STK10: variants seen among roughly 807,000 people sequenced by gnomAD.
STK10 encodes serine/threonine-protein kinase 10.
Under a neutral mutation model 113.8 loss-of-function variants are expected in STK10, and 78 were observed. The ratio of observed to expected loss-of-function variants is 0.69; its 90% CI spans 0.57 to 0.83. The LOEUF (loss-of-function observed/expected upper bound fraction) is 0.83, where lower values mean the gene tolerates loss of function less well. Among genes scored for constraint, STK10 ranks in the 40% least tolerant of loss-of-function variants. STK10 has a pLI of 0.00. For missense variants in STK10, 1,109 were observed against 1,280.1 expected (o/e 0.87, Z 2.04); for synonymous variants, 465 against 494.7 (o/e 0.94, Z 0.80).
At chr5:172,124,317 C>T (rs1194157253) in intron 3 of STK10, among the ~76,000 whole-genome samples, 2 of 152,176 alleles carry the variant, frequency 1.3e-5, no homozygotes, top group African/African-American at 4.8e-5. Context: ...CAAATAAATT[C>T]CACCTCCCAC....
In STK10 at chr5:172,187,766, C is replaced by T; in HGVS notation, c.156+121G>A. On this transcript the variant is annotated intron_variant, in intron 1 of 18. Transcript: ENST00000176763. This position sits in a 1 kb window ranked among gnomAD's most constrained non-coding sequence, Gnocchi z 4.6. Reference sequence around the variant, plus strand: ...GAGTCATCGGGATGAGGGCCAGGGACCCCGAATTCAGCGCCGGGCAGCCCT... The same window carrying T: ...GAGTCATCGGGATGAGGGCCAGGGATCCCGAATTCAGCGCCGGGCAGCCCT... The T allele has an allele frequency of 7.0e-7, 1 of 1,420,750 alleles. No individual in the cohort carries two copies. Among genetic ancestry groups the T allele is most frequent in the East Asian group, 2.5e-5 (1 of 39,882 alleles). The allele number at this position is 1,420,750 out of a possible 1,614,324, so 88.0% of individuals were successfully genotyped here. A position where few individuals can be genotyped will look rare whatever the true frequency, so the allele number is the denominator to read the frequency against.
chr5:172,084,402 A>AAATAAT (rs60087344), intron 10 of STK10, among the ~76,000 whole-genome samples: 3,329 of 149,170 alleles, frequency 0.022, 112 homozygotes, highest in African/African-American at 0.069. Context: ...TTCTGTCTCA[A>AAATAAT]AATAATAATA....
chr5:172,108,572 C>T (rs1474079500), intron 4 of STK10, among the ~76,000 whole-genome samples: 1 of 146,314 alleles, frequency 6.8e-6, no homozygotes, highest in Non-Finnish European at 1.5e-5. Flanking sequence ...GCTGCAATCG[C>T]ACCACTGCGC....
chr5:172,127,540 CCAG>C, intron 2 of STK10, 119 bp from the exon 3 acceptor site: 1 of 991,220 alleles, frequency 1.0e-6, no homozygotes, highest in Non-Finnish European at 1.5e-6. Flanking sequence ...CCCCTGCTCT[CCAG>C]CCCTTCCTCC....
At chr5:172,094,104 T>C (rs1768792226) in intron 8 of STK10, 144 bp from the exon 9 acceptor site, 1 of 507,888 alleles carries the variant, frequency 2.0e-6, no homozygotes. Context: ...CCCTAGCCAG[T>C]CTTCAGCACT....
intron 1 of STK10, among the ~76,000 whole-genome samples, chr5:172,180,041 TC>T (rs1332751793): frequency 1.3e-5 from 2 of 152,144 alleles, no homozygotes; most frequent in Admixed American, 1.3e-4. Flanking sequence ...ACTTGAGGGG[TC>T]TAAGAGGACT....
intron 12 of STK10, among the ~76,000 whole-genome samples, chr5:172,081,226 CTG>C (rs1768419985): frequency 2.0e-5 from 3 of 152,008 alleles, no homozygotes; most frequent in African/African-American, 7.2e-5. Flanking sequence ...TGGTGCGTGC[CTG>C]TAGTCCCAGC....
At chr5:172,145,640 C>A (rs1014648039) in intron 2 of STK10, among the ~76,000 whole-genome samples, 6 of 152,250 alleles carry the variant, frequency 3.9e-5, no homozygotes. Flanking sequence ...TGGGTTTCCA[C>A]TCTGGAGCCA....
At position 172,047,996 on chromosome 5, in the gene STK10, G is replaced by A. The variant is rs113926976; in HGVS notation, c.2767-2974C>T. ...TGGCTCACTGCAACCTCCGCCTCCCGGGTTCAAGCCATTCTCCTGCCTCAG... is the reference window on the plus strand; with the variant it reads ...TGGCTCACTGCAACCTCCGCCTCCCAGGTTCAAGCCATTCTCCTGCCTCAG... On this transcript the variant is annotated intron_variant, in intron 18 of 18. Coordinates refer to ENST00000176763, the MANE Select transcript of STK10 (RefSeq NM_005990.4). Among the ~76,000 whole-genome samples the A allele has an allele frequency of 4.0e-4, 55 of 139,042 alleles. 1 individual carries two copies. Among genetic ancestry groups the A allele is most frequent in the African/African-American group, 1.3e-3 (47 of 35,574 alleles). 91.2% of individuals were successfully genotyped at this position (139,042 alleles called of 152,430 possible). A position where few individuals can be genotyped will look rare whatever the true frequency, so the allele number is the denominator to read the frequency against.
chr5:172,074,720 C>T (rs765130515), intron 12 of STK10, among the ~76,000 whole-genome samples: 6 of 152,070 alleles, frequency 3.9e-5, no homozygotes, highest in Non-Finnish European at 8.8e-5. Flanking sequence ...AAACAAAGTA[C>T]TAATTAAAAA....
intron 2 of STK10, among the ~76,000 whole-genome samples, chr5:172,146,903 C>CT (rs1477088254): frequency 6.6e-6 from 1 of 152,230 alleles, no homozygotes; most frequent in Non-Finnish European, 1.5e-5. Context: ...AATTCCGACA[C>CT]TATCTACCGG....
chr5:172,126,024 G>A (rs1317963799), intron 3 of STK10, among the ~76,000 whole-genome samples: 1 of 152,202 alleles, frequency 6.6e-6, no homozygotes, highest in African/African-American at 2.4e-5. Flanking sequence ...GGTAAACTCA[G>A]GGAAAATACC....
At chr5:172,108,012 A>C (rs1489651028) in intron 4 of STK10, 160 bp from the exon 5 acceptor site, 2 of 616,958 alleles carry the variant, frequency 3.2e-6, no homozygotes, top group Admixed American at 5.7e-5. Flanking sequence ...TGCTGCTGAG[A>C]GGAAGTACCG....
At chr5:172,117,763 C>A (rs1470140643) in intron 3 of STK10, 133 bp from the exon 4 acceptor site, 12 of 1,278,334 alleles carry the variant, frequency 9.4e-6, no homozygotes, top group Non-Finnish European at 9.5e-6. Flanking sequence ...GCCTGTAATC[C>A]CAGCACTTTG....
At chr5:172,151,700 G>A (rs1770237894) in intron 2 of STK10, among the ~76,000 whole-genome samples, 1 of 152,218 alleles carries the variant, frequency 6.6e-6, no homozygotes, top group Admixed American at 6.5e-5. Flanking sequence ...TTCATGCGCT[G>A]TTAGTTGTCT....
rs146851627 is a variant in STK10, at chr5:172,093,788, G to A, written c.1178C>T (p.Pro393Leu). 2.4e-4 allele frequency: 384 copies of A among 1,609,002 alleles called. 2 individuals are homozygous for A. The African/African-American group carries it at 4.4e-3, about 18-fold the overall frequency. The stretch of plus-strand genomic sequence containing the variant: ...CTCATTTCCAGGGGCCACGACTGGG[G>A]GACTGGTGGTTTGGAGGGATCTGTC... The part of the protein sequence containing the change: ...SGDRSLQTTS[P>L]PVVAPGNENG... Residue 393 changes from proline to leucine, a missense_variant, in exon 9 of 19, where the codon CCC becomes CTC. This residue lies in a region of STK10 where 885 missense variants were observed against 991.1 expected (regional missense o/e 0.89). Coordinates refer to ENST00000176763, the MANE Select transcript of STK10 (RefSeq NM_005990.4). This position sits in a 1 kb window ranked among gnomAD's most constrained non-coding sequence, Gnocchi z 4.1.
chr5:172,134,443 C>T (rs945844395), intron 2 of STK10, among the ~76,000 whole-genome samples: 2 of 151,986 alleles, frequency 1.3e-5, no homozygotes, highest in African/African-American at 4.8e-5. Context: ...CCATATCCTC[C>T]CATCTTTAAA....
At chr5:172,117,383 C>T in intron 4 of STK10, 98 bp downstream of exon 4, 18 of 1,442,212 alleles carry the variant, frequency 1.2e-5, no homozygotes, top group Non-Finnish European at 1.4e-5. Context: ...GACCCCACAC[C>T]CCCATGAGGT....
At chr5:172,141,898 G>A (rs775245879) in intron 2 of STK10, among the ~76,000 whole-genome samples, 4 of 152,162 alleles carry the variant, frequency 2.6e-5, no homozygotes, top group Non-Finnish European at 5.9e-5. Context: ...GTGGTGCCGT[G>A]TAAGGGTTGG....
Sources: allele counts gnomAD v4.1 joint callset (sites outside exome capture counted in the v4.1 genomes callset), GRCh38; gene constraint gnomAD v4.1.1; regional missense constraint gnomAD v4.1.1; non-coding constraint Gnocchi (gnomAD v3.1); transcripts MANE v1.5; gene names NCBI Gene and HGNC (gene_info 2026-07-23, HGNC 2026-07-21).